ADAMTS14: variants seen among roughly 807,000 people sequenced by gnomAD.
The protein encoded by ADAMTS14 is A disintegrin and metalloproteinase with thrombospondin motifs 14.
A neutral mutation model predicts 128.6 loss-of-function variants in ADAMTS14; 100 were observed. The ratio of observed to expected loss-of-function variants is 0.78; its 90% confidence interval spans 0.66 to 0.92. ADAMTS14 has a LOEUF of 0.92. Among genes scored for constraint, ADAMTS14 ranks in the 40% least tolerant of loss-of-function variants. The pLI is 0.00. For missense variants in ADAMTS14, 1,562 were observed against 1,658.6 expected, an observed-to-expected ratio of 0.94 and a Z score of 1.01; for synonymous variants, 665 against 653.8, an observed-to-expected ratio of 1.02 and a Z score of -0.26.
chr10:70,707,061 C>G (rs888769003), intron 3 of ADAMTS14, among the ~76,000 whole-genome samples: 2 of 152,222 alleles, frequency 1.3e-5, no homozygotes, highest in South Asian at 2.1e-4. Context: ...TTCAGTGACC[C>G]CTCCTCTGGA....
intron 2 of ADAMTS14, 113 bp downstream of exon 2, chr10:70,675,108 C>A: frequency 1.5e-6 from 2 of 1,326,318 alleles, no homozygotes; most frequent in Non-Finnish European, 2.1e-6. Flanking sequence ...AGGGGTGGTG[C>A]TGCCTTCCAG....
chr10:70,711,208 TCTGACCGACTTCTCTACCAGA>T (rs1206235245), intron 4 of ADAMTS14, among the ~76,000 whole-genome samples: 1 of 152,252 alleles, frequency 6.6e-6, no homozygotes, highest in East Asian at 1.9e-4. Flanking sequence ...GCTGATTCTC[TCTGACCGACTTCTCTACCAGA>T]CATTCTGGCC....
At chr10:70,747,114 A>G (rs16927873) in intron 15 of ADAMTS14, among the ~76,000 whole-genome samples, 7,497 of 152,174 alleles carry the variant, frequency 0.049, 189 homozygotes, top group African/African-American at 0.073. Context: ...AATACCTTCA[A>G]AGTTTCCTGG....
intron 4 of ADAMTS14, among the ~76,000 whole-genome samples, chr10:70,728,567 G>A (rs1327845769): frequency 1.3e-5 from 2 of 152,254 alleles, no homozygotes; most frequent in African/African-American, 4.8e-5. Context: ...CACTGTTCAG[G>A]AGCTTCCTGG....
chr10:70,753,727 T>C, intron 18 of ADAMTS14, 73 bp from the exon 19 acceptor site: 2 of 1,427,186 alleles, frequency 1.4e-6, no homozygotes, highest in Non-Finnish European at 1.9e-6. Flanking sequence ...TGCAGCTGTC[T>C]GGGGATAGAA....
intron 5 of ADAMTS14, 80 bp from the exon 6 acceptor site, chr10:70,730,022 G>A: frequency 6.8e-7 from 1 of 1,481,448 alleles, no homozygotes. Context: ...GTTCCCATCT[G>A]TAAGTGGGAG....
intron 4 of ADAMTS14, 34 bp downstream of exon 4, chr10:70,708,812 G>A: frequency 9.6e-6 from 13 of 1,356,698 alleles, no homozygotes; most frequent in Non-Finnish European, 1.2e-5. Flanking sequence ...CTTGGGGGGA[G>A]TGGGGTGGGG....
intron 15 of ADAMTS14, among the ~76,000 whole-genome samples, chr10:70,747,212 G>C (rs1264984655): frequency 6.6e-6 from 1 of 152,082 alleles, no homozygotes; most frequent in Non-Finnish European, 1.5e-5. Flanking sequence ...ATTCTTGAAG[G>C]CATCTGAAAG....
chr10:70,679,869 C>A (rs1237413755), intron 2 of ADAMTS14, among the ~76,000 whole-genome samples: 1 of 152,180 alleles, frequency 6.6e-6, no homozygotes, highest in Non-Finnish European at 1.5e-5. Context: ...CCCAGCCCAG[C>A]TGCTCACCAC....
At chr10:70,680,392 C>T (rs12253644) in intron 2 of ADAMTS14, among the ~76,000 whole-genome samples, 10,909 of 151,888 alleles carry the variant, frequency 0.072, 836 homozygotes, top group African/African-American at 0.2. Flanking sequence ...GCAACAAGAG[C>T]GAAACTGTCT....
At position 70,761,326 on chromosome 10, in the gene ADAMTS14, GC is replaced by G. The variant is rs1842608075; in HGVS notation, c.*475del. On this transcript the variant is annotated 3_prime_UTR_variant, in exon 22 of 22. Coordinates refer to ENST00000373207, the MANE Select transcript of ADAMTS14 (RefSeq NM_080722.4). Reference sequence around the variant, plus strand: ...TAGGTGGGGGACTGTTCACAGCCAGGCCGAGAGGAGGGGGGCCTGGGAATGT... The same window carrying G: ...TAGGTGGGGGACTGTTCACAGCCAGGCGAGAGGAGGGGGGCCTGGGAATGT... 1 of 153,894 alleles carries G rather than the reference GC, an allele frequency of 6.5e-6. No individual in the cohort carries two copies. The highest frequency in any genetic ancestry group is 1.4e-5 in the Non-Finnish European group (1 of 69,212). The allele number at this position is 153,894 out of a possible 1,614,324, so 9.5% of individuals were successfully genotyped here.
At chr10:70,722,794 A>T (rs950789045) in intron 4 of ADAMTS14, among the ~76,000 whole-genome samples, 1 of 152,202 alleles carries the variant, frequency 6.6e-6, no homozygotes, top group Non-Finnish European at 1.5e-5. Context: ...AAATAGATAA[A>T]AGTCCATACT....
intron 2 of ADAMTS14, among the ~76,000 whole-genome samples, chr10:70,696,235 A>G (rs1347719110): frequency 1.3e-5 from 2 of 152,008 alleles, no homozygotes; most frequent in African/African-American, 4.8e-5. Context: ...GGTAACAGAG[A>G]GGTGATCCTG....
intron 18 of ADAMTS14, 74 bp downstream of exon 18, chr10:70,752,301 G>A: frequency 6.3e-7 from 1 of 1,575,320 alleles, no homozygotes; most frequent in Non-Finnish European, 8.6e-7. Context: ...GGGCTGCTGA[G>A]CCTGCTCCCC....
intron 4 of ADAMTS14, among the ~76,000 whole-genome samples, chr10:70,717,731 C>T (rs1841104116): frequency 6.6e-6 from 1 of 152,164 alleles, no homozygotes; most frequent in African/African-American, 2.4e-5. Flanking sequence ...CATTTCCTTC[C>T]AGCCAGGTTG....
chr10:70,735,147 C>A, intron 8 of ADAMTS14, 22 bp from the exon 9 acceptor site: 1 of 1,602,180 alleles, frequency 6.2e-7, no homozygotes, highest in Non-Finnish European at 8.5e-7. Context: ...GCCTGGCTCA[C>A]CTTCCTTGTC....
intron 3 of ADAMTS14, among the ~76,000 whole-genome samples, chr10:70,703,684 G>C (rs1840563119): frequency 6.6e-6 from 1 of 152,228 alleles, no homozygotes; most frequent in Admixed American, 6.5e-5. Flanking sequence ...CTTTTAGGAA[G>C]AGACGTTGGG....
intron 15 of ADAMTS14, among the ~76,000 whole-genome samples, chr10:70,747,617 C>T (rs1057483523): frequency 2.0e-5 from 3 of 152,198 alleles, no homozygotes; most frequent in Admixed American, 1.3e-4. Flanking sequence ...TCTAGTTCTT[C>T]GATCCCCAGG....
At chr10:70,721,173 T>C (rs1564537656) in intron 4 of ADAMTS14, among the ~76,000 whole-genome samples, 1 of 150,754 alleles carries the variant, frequency 6.6e-6, no homozygotes, top group South Asian at 2.1e-4. Flanking sequence ...TACAGGTGCA[T>C]GTCACCATGC....
Sources: allele counts gnomAD v4.1 joint callset (sites outside exome capture counted in the v4.1 genomes callset), GRCh38; gene constraint gnomAD v4.1.1; transcripts MANE v1.5; gene names NCBI Gene and HGNC (gene_info 2026-07-23, HGNC 2026-07-21).